Variants in PRKCE observed in about 807,000 individuals in gnomAD.
The protein encoded by PRKCE is protein kinase C epsilon type.
Under a neutral mutation model 85.4 loss-of-function variants are expected in PRKCE, and 16 were observed. The observed-to-expected ratio is 0.19, with a 90% confidence interval of 0.13 to 0.28. PRKCE has a LOEUF of 0.28. Among genes scored for constraint, PRKCE ranks in the 10% least tolerant of loss-of-function variants. The pLI is 1.00. For missense variants in PRKCE, 573 were observed against 975.2 expected (o/e 0.59, Z 5.49); for synonymous variants, 388 against 371.5 (o/e 1.04, Z -0.51).
At chr2:45,712,475 C>CCAAAT (rs1034496731) in intron 1 of PRKCE, among the ~76,000 whole-genome samples, 1 of 152,002 alleles carries the variant, frequency 6.6e-6, no homozygotes, top group African/African-American at 2.4e-5. Flanking sequence ...TTTTTGACAC[C>CCAAAT]CAAATCTGAT....
chr2:45,654,387 C>T (rs949028040), intron 1 of PRKCE, among the ~76,000 whole-genome samples: 1 of 152,230 alleles, frequency 6.6e-6, no homozygotes, highest in Non-Finnish European at 1.5e-5. Flanking sequence ...GGATTTGGCC[C>T]TAGGCCAGAT....
chr2:45,802,940 A>G (rs909793174), intron 1 of PRKCE, among the ~76,000 whole-genome samples: 2 of 152,224 alleles, frequency 1.3e-5, no homozygotes, highest in Non-Finnish European at 2.9e-5. Context: ...ATATGATGCA[A>G]TGTCACCTTT....
intron 10 of PRKCE, among the ~76,000 whole-genome samples, chr2:46,043,629 G>A (rs545535223): frequency 6.6e-6 from 1 of 152,266 alleles, no homozygotes; most frequent in South Asian, 2.1e-4. Flanking sequence ...GTGGGGATGT[G>A]GTAGAGGTGG....
At chr2:46,128,881 G>A (rs985536770) in intron 11 of PRKCE, among the ~76,000 whole-genome samples, 1 of 152,166 alleles carries the variant, frequency 6.6e-6, no homozygotes, top group African/African-American at 2.4e-5. Context: ...CTGCTCGTGG[G>A]CACTTGACTC....
chr2:46,154,674 GCTGCCCT>G (rs1574618283), intron 13 of PRKCE, among the ~76,000 whole-genome samples: 2 of 151,494 alleles, frequency 1.3e-5, no homozygotes, highest in African/African-American at 4.9e-5. Flanking sequence ...CCTTTCTCCT[GCTGCCCT>G]CTTAGTGCCA....
At chr2:45,828,793 A>G (rs1435585623) in intron 1 of PRKCE, among the ~76,000 whole-genome samples, 1 of 152,166 alleles carries the variant, frequency 6.6e-6, no homozygotes, top group East Asian at 1.9e-4. Flanking sequence ...CAAAAAAGCT[A>G]TAGTAGAAGG....
chr2:46,006,992 C>T (rs10211374), intron 8 of PRKCE, among the ~76,000 whole-genome samples: 30 of 152,214 alleles, frequency 2.0e-4, no homozygotes, highest in East Asian at 3.9e-4. Flanking sequence ...GATCAGCCAC[C>T]GTTCTGATGG....
chr2:45,858,698 C>A (rs557733587), intron 2 of PRKCE, among the ~76,000 whole-genome samples: 1 of 152,298 alleles, frequency 6.6e-6, no homozygotes, highest in African/African-American at 2.4e-5. Flanking sequence ...TAAATGTATG[C>A]TTTCCCAAGT....
intron 10 of PRKCE, among the ~76,000 whole-genome samples, chr2:46,056,759 CTCTTAT>C (rs1463785760): frequency 5.3e-5 from 8 of 152,206 alleles, no homozygotes; most frequent in Non-Finnish European, 1.2e-4. Context: ...AAATTCTCTT[CTCTTAT>C]TCTTAAAGAG....
chr2:45,684,760 A>G (rs1013519817), intron 1 of PRKCE, among the ~76,000 whole-genome samples: 5 of 152,296 alleles, frequency 3.3e-5, no homozygotes, highest in South Asian at 2.1e-4. Context: ...CAGAGGTGGC[A>G]GTGCTTTCTG....
At chr2:45,951,969 A>T (rs1700652585) in intron 2 of PRKCE, among the ~76,000 whole-genome samples, 1 of 152,164 alleles carries the variant, frequency 6.6e-6, no homozygotes. Flanking sequence ...AGTAGCTGGG[A>T]TTACAGGCAT....
rs1678216074 is a variant in PRKCE at position 45,697,095 on chromosome 2, C to T, written c.348+44647C>T. Among the ~76,000 whole-genome samples, 1 of 152,134 alleles carries T rather than the reference C, an allele frequency of 6.6e-6. No individual in the cohort carries two copies. The highest frequency in any genetic ancestry group is 2.4e-5 in the African/African-American group (1 of 41,428). On this transcript the variant is annotated intron_variant, in intron 1 of 14. Transcript: ENST00000306156. The surrounding 1 kb of genome is among the most constrained non-coding windows in gnomAD (Gnocchi z 4.2). ...GTCCATGGTAATATTAAAGATTATC[C>T]CCTGATTGGAAAAGGTGGATGTTGT... is the stretch of plus-strand genomic sequence containing the variant.
At chr2:45,983,937 A>AT (rs11418472) in intron 5 of PRKCE, among the ~76,000 whole-genome samples, 94,695 of 133,014 alleles carry the variant, frequency 0.71, 34,306 homozygotes, top group East Asian at 0.88. Flanking sequence ...TGAAGGTACA[A>AT]TTTTTTTTTT....
At chr2:46,130,996 C>G (rs1384040559) in intron 11 of PRKCE, among the ~76,000 whole-genome samples, 1 of 152,192 alleles carries the variant, frequency 6.6e-6, no homozygotes, top group Non-Finnish European at 1.5e-5. Context: ...CCTTTTTGAG[C>G]ACCTGTCTTC....
chr2:46,163,722 C>T (rs1390300197), intron 14 of PRKCE, among the ~76,000 whole-genome samples: 1 of 142,322 alleles, frequency 7.0e-6, no homozygotes, highest in African/African-American at 2.6e-5. Flanking sequence ...AAAGAGGCCA[C>T]TGAGAGACAT....
chr2:45,757,337 G>C (rs1263041360), intron 1 of PRKCE, among the ~76,000 whole-genome samples: 1 of 139,014 alleles, frequency 7.2e-6, no homozygotes, highest in East Asian at 2.2e-4. Context: ...AAAAAAGAGT[G>C]TTCAATTGAT....
intron 1 of PRKCE, among the ~76,000 whole-genome samples, chr2:45,830,240 G>A (rs1002790372): frequency 3.3e-5 from 5 of 151,778 alleles, no homozygotes; most frequent in Non-Finnish European, 7.4e-5. Flanking sequence ...TAACCCTATG[G>A]CACATGGGGC....
At chr2:45,687,156 C>A (rs1677360469) in intron 1 of PRKCE, among the ~76,000 whole-genome samples, 1 of 151,866 alleles carries the variant, frequency 6.6e-6, no homozygotes, top group Non-Finnish European at 1.5e-5. Context: ...TCCATGAAAG[C>A]TTCATGGACC....
intron 10 of PRKCE, among the ~76,000 whole-genome samples, chr2:46,034,672 G>C (rs1707747792): frequency 6.6e-6 from 1 of 152,204 alleles, no homozygotes; most frequent in South Asian, 2.1e-4. Flanking sequence ...AGGCAACCTA[G>C]CATGCTGGAC....
Sources: gnomAD v4.1 joint callset for allele counts (sites outside exome capture counted in the v4.1 genomes callset) on GRCh38, gnomAD v4.1.1 for gene constraint, Gnocchi (gnomAD v3.1) non-coding constraint, MANE v1.5 for transcripts, NCBI Gene and HGNC (gene_info 2026-07-23, HGNC 2026-07-21) for gene names.